KCTD1: variants seen among roughly 807,000 people sequenced by gnomAD.
The protein encoded by KCTD1 is potassium channel tetramerization domain containing 1.
KCTD1 carries 24 observed loss-of-function variants against 66.0 expected under a neutral mutation model. The observed-to-expected ratio is 0.36, with a 90% CI of 0.26 to 0.51. The LOEUF is 0.51. Among genes scored for constraint, KCTD1 ranks in the 20% least tolerant of loss-of-function variants. The pLI is 0.95. For missense variants in KCTD1, 943 were observed against 1,205.2 expected, an observed-to-expected ratio of 0.78 and a Z score of 3.22; for synonymous variants, 511 against 517.2, an observed-to-expected ratio of 0.99 and a Z score of 0.16.
At chr18:26,557,187 A>C (rs766168219) in intron 1 of KCTD1, among the ~76,000 whole-genome samples, 2 of 152,196 alleles carry the variant, frequency 1.3e-5, no homozygotes, top group African/African-American at 4.8e-5. Context: ...TTCTCTGTCC[A>C]ACTCTGGGAA....
chr18:26,531,421 C>T (rs1360869068), intron 1 of KCTD1, among the ~76,000 whole-genome samples: 1 of 152,116 alleles, frequency 6.6e-6, no homozygotes, highest in African/African-American at 2.4e-5. Context: ...ATACAGATTT[C>T]ATTAAGTCAA....
At chr18:26,517,349 T>C (rs912912043) in intron 1 of KCTD1, among the ~76,000 whole-genome samples, 4 of 152,070 alleles carry the variant, frequency 2.6e-5, no homozygotes, top group Middle Eastern at 6.8e-3. Context: ...CGAGATCTGA[T>C]GGTTTTAAAA....
Position 26,548,059 on chromosome 18 carries a change from G to C in KCTD1, c.478C>G (p.Leu160Val). The change falls in exon 1 of 5, where the codon CTG (leucine) becomes GTG (valine). Residue 160 changes from leucine to valine, a missense_variant. By Grantham distance (32) the Leu-to-Val change is conservative. Transcript: ENST00000580059. ...AGCCGGGCCCGCTCGGGGCGCTGCA[G>C]CACGTCGGGGTCCAGCTCGGAGCCG... Reference protein sequence around the residue: ...GDGSELDPDVLQRPERARLSE... With the variant: ...GDGSELDPDVVQRPERARLSE... 5 of 1,497,066 alleles carry C rather than the reference G, an allele frequency of 3.3e-6. No individual in the cohort carries two copies. Among genetic ancestry groups the C allele is most frequent in the Non-Finnish European group, 3.6e-6 (4 of 1,124,838 alleles). 92.7% of individuals were successfully genotyped at this position (1,497,066 alleles called of 1,614,324 possible).
chr18:26,481,105 C>G (rs1454070855), intron 2 of KCTD1, among the ~76,000 whole-genome samples: 1 of 152,196 alleles, frequency 6.6e-6, no homozygotes, highest in Non-Finnish European at 1.5e-5. Flanking sequence ...TACTCATTCA[C>G]TCTTTCCACC....
intron 1 of KCTD1, among the ~76,000 whole-genome samples, chr18:26,605,754 A>ATCTATCTATCTG (rs1987000477): frequency 7.4e-6 from 1 of 135,584 alleles, no homozygotes; most frequent in Admixed American, 8.5e-5. Flanking sequence ...CTATCTATCT[A>ATCTATCTATCTG]TCTATCTATC....
At position 26,491,528 on chromosome 18, in the gene KCTD1, C is replaced by A. The variant is rs145131719; in HGVS notation, c.1988+9544G>T. Among the ~76,000 whole-genome samples, 6 of 152,200 alleles carry A rather than the reference C, an allele frequency of 3.9e-5. No homozygotes were observed. The East Asian group carries it at 5.8e-4, about 15-fold the overall frequency. ...AAGAAAAGGACTTCAGAAACCCACA[C>A]GCAAATAAGAACAAGACCCATTTAT... On this transcript the variant is annotated intron_variant, in intron 2 of 4. Transcript: ENST00000580059.
chr18:26,515,410 C>A (rs1271214003), intron 1 of KCTD1, among the ~76,000 whole-genome samples: 1 of 152,138 alleles, frequency 6.6e-6, no homozygotes, highest in Non-Finnish European at 1.5e-5. Context: ...GCAAAATATT[C>A]CAGGATCTAA....
intron 1 of KCTD1, among the ~76,000 whole-genome samples, chr18:26,573,220 A>G (rs1041752880): frequency 2.0e-5 from 3 of 152,160 alleles, no homozygotes; most frequent in African/African-American, 7.2e-5. Flanking sequence ...AAATTCATAG[A>G]AATAAAATTA....
upstream of KCTD1, chr18:26,640,453 AAAAC>A (rs1008508478): frequency 8.5e-5 from 13 of 152,886 alleles, no homozygotes; most frequent in South Asian, 2.1e-4. Flanking sequence ...TTGTCTCTGA[AAAAC>A]AAACAAACAA....
intron 1 of KCTD1, chr18:26,581,723 C>T (rs1986357659): frequency 6.6e-6 from 1 of 151,990 alleles, no homozygotes; most frequent in Non-Finnish European, 1.5e-5. Context: ...CCAGCAAGAC[C>T]TCATCTCTAG....
At chr18:26,621,069 G>T (rs998023399) in intron 1 of KCTD1, among the ~76,000 whole-genome samples, 1 of 152,016 alleles carries the variant, frequency 6.6e-6, no homozygotes, top group Admixed American at 6.5e-5. Context: ...TCCTGACCTC[G>T]TGATCCACCC....
At position 26,586,418 on chromosome 18, in the gene KCTD1, C is replaced by T. The variant is rs75606657; in HGVS notation, c.-16+42729G>A. Among the ~76,000 whole-genome samples, 1,439 of 152,306 alleles carry T rather than the reference C, an allele frequency of 9.4e-3. 11 individuals are homozygous for T. The highest frequency in any genetic ancestry group is 0.017 in the Middle Eastern group (5 of 294). On this transcript the variant is annotated intron_variant, in intron 1 of 4. Coordinates refer to the KCTD1 transcript ENST00000317932. ...ACCAACCAGCTGTTCCTCAGTCTCC[C>T]TCCCTCTCCTCAGGCCTCCTATTCT...
chr18:26,622,514 GTC>G (rs1246772645), intron 1 of KCTD1, among the ~76,000 whole-genome samples: 2 of 152,292 alleles, frequency 1.3e-5, no homozygotes, highest in East Asian at 3.9e-4. Context: ...GCCAGCCATT[GTC>G]TCTGTTTCCT....
chr18:26,509,369 C>CT (rs373047724), intron 1 of KCTD1, among the ~76,000 whole-genome samples: 1 of 151,500 alleles, frequency 6.6e-6, no homozygotes, highest in Non-Finnish European at 1.5e-5. Flanking sequence ...ACTACTTATT[C>CT]TTTTTTTTAA....
intron 1 of KCTD1, among the ~76,000 whole-genome samples, chr18:26,649,151 A>G (rs1987981362): frequency 6.6e-6 from 1 of 152,204 alleles, no homozygotes; most frequent in South Asian, 2.1e-4. Flanking sequence ...TCAGCAGCAT[A>G]GACACTGTTC....
chr18:26,484,740 C>T (rs1281248963), intron 2 of KCTD1, among the ~76,000 whole-genome samples: 2 of 152,076 alleles, frequency 1.3e-5, no homozygotes, highest in Non-Finnish European at 2.9e-5. Context: ...CTGGGTGTCA[C>T]GGAAGGACAG....
At chr18:26,517,125 C>G (rs775850888) in intron 1 of KCTD1, among the ~76,000 whole-genome samples, 2 of 152,200 alleles carry the variant, frequency 1.3e-5, no homozygotes, top group African/African-American at 2.4e-5. Flanking sequence ...TCAGCCCACA[C>G]TCTGAGAAGC....
intron 1 of KCTD1, among the ~76,000 whole-genome samples, chr18:26,593,382 G>T: frequency 8.0e-6 from 1 of 125,466 alleles, no homozygotes; most frequent in East Asian, 2.7e-4. Context: ...GGAAGAGGAG[G>T]AGGAAGAAGA....
At chr18:26,470,177 G>A (rs1364591290) in intron 3 of KCTD1, among the ~76,000 whole-genome samples, 1 of 152,132 alleles carries the variant, frequency 6.6e-6, no homozygotes, top group Non-Finnish European at 1.5e-5. Flanking sequence ...TGTGGCAGGT[G>A]CTGAGCATGT....
Sources: allele counts gnomAD v4.1 joint callset (sites outside exome capture counted in the v4.1 genomes callset), GRCh38; gene constraint gnomAD v4.1.1; transcripts MANE v1.5; gene names NCBI Gene and HGNC (gene_info 2026-07-23, HGNC 2026-07-21).